Variants in SEMA3C observed in about 807,000 individuals in gnomAD.
SEMA3C encodes the protein semaphorin-3C.
A neutral mutation model predicts 89.4 loss-of-function variants in SEMA3C; 47 were observed. That is an observed-to-expected ratio of 0.53 (90% CI 0.42 to 0.67). The LOEUF (loss-of-function observed/expected upper bound fraction) is 0.67, where lower values mean the gene tolerates loss of function less well. SEMA3C is among the 30% of genes least tolerant of loss of function. The pLI, the probability that SEMA3C is intolerant of heterozygous loss-of-function variation, is 0.00. For missense variants in SEMA3C, 839 were observed against 929.1 expected (o/e 0.90, Z 1.26); for synonymous variants, 310 against 320.2 (o/e 0.97, Z 0.34).
chr7:80,783,109 T>G (rs1365428170), intron 12 of SEMA3C, among the ~76,000 whole-genome samples: 1 of 152,200 alleles, frequency 6.6e-6, no homozygotes, highest in African/African-American at 2.4e-5. Context: ...AACAGGTCTC[T>G]GAAGAGTAGC....
chr7:80,863,684 T>C lies in SEMA3C; in HGVS notation c.104-34939A>G, dbSNP rs185999653. ...ACATATATATATATACACACATATATATACACACACATATATATGTGATAT... is the reference window on the plus strand; with the variant it reads ...ACATATATATATATACACACATATACATACACACACATATATATGTGATAT... On this transcript the variant is annotated intron_variant, in intron 2 of 17. Coordinates refer to ENST00000265361, the MANE Select transcript of SEMA3C (RefSeq NM_006379.5). Among the ~76,000 whole-genome samples, 33 of 149,246 alleles carry C rather than the reference T, an allele frequency of 2.2e-4. No homozygotes were observed. In the East Asian group the frequency reaches 5.7e-3, roughly 26 times the overall value.
At chr7:80,835,384 T>C (rs1790102816) in intron 2 of SEMA3C, among the ~76,000 whole-genome samples, 1 of 152,164 alleles carries the variant, frequency 6.6e-6, no homozygotes, top group African/African-American at 2.4e-5. Context: ...ACCTCAGATC[T>C]CAGGCAGAAT....
intron 2 of SEMA3C, among the ~76,000 whole-genome samples, chr7:80,909,497 G>A (rs537302974): frequency 6.6e-6 from 1 of 152,268 alleles, no homozygotes; most frequent in African/African-American, 2.4e-5. Context: ...AATTAATTAG[G>A]TAGAATGTTT....
chr7:80,757,232 C>T (rs951019022), intron 15 of SEMA3C, among the ~76,000 whole-genome samples: 3 of 152,224 alleles, frequency 2.0e-5, no homozygotes, highest in African/African-American at 4.8e-5. Flanking sequence ...ACTATTTGCT[C>T]CCTCTGCTAA....
chr7:80,884,806 A>T (rs1488872880), intron 2 of SEMA3C, among the ~76,000 whole-genome samples: 3 of 152,356 alleles, frequency 2.0e-5, no homozygotes, highest in East Asian at 3.9e-4. Flanking sequence ...ATTTCTGCTT[A>T]AAGGTCACAA....
intron 15 of SEMA3C, 47 bp downstream of exon 15, chr7:80,758,284 G>T (rs1372147497): frequency 1.3e-6 from 2 of 1,579,156 alleles, no homozygotes; most frequent in East Asian, 2.3e-5. Context: ...CTTCTGTATT[G>T]TCTGGTGTCC....
At chr7:80,896,996 T>A (rs1430877100) in intron 2 of SEMA3C, among the ~76,000 whole-genome samples, 1 of 152,042 alleles carries the variant, frequency 6.6e-6, no homozygotes, top group East Asian at 1.9e-4. Context: ...GCAAGACTTG[T>A]GTGGCAGGGG....
chr7:80,829,635 G>GT (rs1195428108), intron 2 of SEMA3C, among the ~76,000 whole-genome samples: 1 of 152,036 alleles, frequency 6.6e-6, no homozygotes, highest in African/African-American at 2.4e-5. Context: ...GAATTTTCAG[G>GT]TATCTAAATG....
rs371877886 is a variant in SEMA3C at position 80,911,973 on chromosome 7, T to C, written c.103+4706A>G. ...GGAACCGCTGTGTTCGTATGACCGA[T>C]TAACAAAACACTCAAGCTCACTCTT... is the stretch of plus-strand genomic sequence containing the variant. On this transcript the variant is annotated intron_variant, in intron 2 of 17. Coordinates refer to ENST00000265361, the MANE Select transcript of SEMA3C (RefSeq NM_006379.5). Among the ~76,000 whole-genome samples, 3 of 152,174 alleles carry C rather than the reference T, an allele frequency of 2.0e-5. No individual in the cohort carries two copies. The East Asian group carries it at 5.8e-4, about 29-fold the overall frequency.
chr7:80,766,141 T>G (rs1788297008), intron 12 of SEMA3C, among the ~76,000 whole-genome samples: 1 of 152,188 alleles, frequency 6.6e-6, no homozygotes, highest in Admixed American at 6.5e-5. Context: ...CACAACTGAT[T>G]TTATTTCAGG....
intron 2 of SEMA3C, among the ~76,000 whole-genome samples, chr7:80,889,307 G>A (rs1229146334): frequency 6.6e-6 from 1 of 152,190 alleles, no homozygotes; most frequent in Non-Finnish European, 1.5e-5. Context: ...GGAATAAGAT[G>A]TAGTAAAATT....
At chr7:80,898,134 G>A (rs1183346952) in intron 2 of SEMA3C, among the ~76,000 whole-genome samples, 2 of 152,038 alleles carry the variant, frequency 1.3e-5, no homozygotes, top group Admixed American at 1.3e-4. Flanking sequence ...GGAGGCTGAG[G>A]TGGGCAGATC....
chr7:80,841,236 G>A (rs1166000478), intron 2 of SEMA3C, among the ~76,000 whole-genome samples: 2 of 152,080 alleles, frequency 1.3e-5, no homozygotes, highest in East Asian at 3.9e-4. Context: ...GTTCTTGAGA[G>A]CAAGATTGCT....
At chr7:80,905,717 G>A in intron 2 of SEMA3C, 2 of 494,106 alleles carry the variant, frequency 4.0e-6, no homozygotes, top group Admixed American at 2.5e-5. Context: ...ACTAGTTTAA[G>A]ATAATTTTTG....
At chr7:80,762,558 C>T (rs554504324) in intron 13 of SEMA3C, among the ~76,000 whole-genome samples, 43 of 152,264 alleles carry the variant, frequency 2.8e-4, no homozygotes, top group Admixed American at 7.2e-4. Context: ...GTGGCTCACG[C>T]CTGTAATCCC....
intron 2 of SEMA3C, among the ~76,000 whole-genome samples, chr7:80,839,943 A>C (rs575100449): frequency 2.0e-5 from 3 of 152,198 alleles, no homozygotes; most frequent in Non-Finnish European, 4.4e-5. Context: ...CTTTCAATAA[A>C]ACTCCCTTGA....
At chr7:80,897,206 G>T (rs1562975203) in intron 2 of SEMA3C, among the ~76,000 whole-genome samples, 1 of 152,112 alleles carries the variant, frequency 6.6e-6, no homozygotes, top group Non-Finnish European at 1.5e-5. Flanking sequence ...ATTCATTTTT[G>T]CTGTCTGAGT....
intron 12 of SEMA3C, among the ~76,000 whole-genome samples, chr7:80,778,693 C>A (rs1044716227): frequency 1.3e-5 from 2 of 152,188 alleles, no homozygotes; most frequent in Non-Finnish European, 2.9e-5. Flanking sequence ...GTCTTTCCAT[C>A]TGGAATGGTT....
intron 2 of SEMA3C, among the ~76,000 whole-genome samples, chr7:80,863,962 A>C (rs770630424): frequency 8.4e-5 from 12 of 142,494 alleles, no homozygotes; most frequent in Middle Eastern, 3.9e-3. Context: ...TCACATGTAT[A>C]TCACATATAT....
Sources: gnomAD v4.1 joint callset for allele counts (sites outside exome capture counted in the v4.1 genomes callset) on GRCh38, gnomAD v4.1.1 for gene constraint, MANE v1.5 for transcripts, NCBI Gene and HGNC (gene_info 2026-07-23, HGNC 2026-07-21) for gene names.